Variants in ADAMTS3 observed in about 807,000 individuals in gnomAD.
ADAMTS3 encodes the protein A disintegrin and metalloproteinase with thrombospondin motifs 3.
A neutral mutation model predicts 129.0 loss-of-function variants in ADAMTS3; 73 were observed. That is an observed-to-expected ratio of 0.57 (90% CI 0.47 to 0.69). ADAMTS3 has a LOEUF of 0.69. Among genes scored for constraint, ADAMTS3 ranks in the 30% least tolerant of loss-of-function variants. The pLI is 0.00. For synonymous variants in ADAMTS3, 477 were observed against 510.8 expected (o/e 0.93, Z 0.89); for missense variants, 1,457 against 1,514.5 (o/e 0.96, Z 0.63).
chr4:72,468,242 A>C (rs570894433), intron 3 of ADAMTS3, among the ~76,000 whole-genome samples: 1 of 152,250 alleles, frequency 6.6e-6, no homozygotes, highest in South Asian at 2.1e-4. Context: ...TAGTGTAAGA[A>C]TCTAATTGGC....
Position 72,568,829 on chromosome 4 carries a change from C to T in ADAMTS3, c.-67G>A. ...GCCCAGAGCAAACCCACCCCCCCCG[C>T]CCAAAATAAGTTTCTTTAAGAAAAA... On this transcript the variant is annotated 5_prime_UTR_variant, in exon 1 of 22. Transcript: ENST00000286657. The T allele has an allele frequency of 1.7e-6, 2 of 1,203,800 alleles. No homozygotes were observed. Among genetic ancestry groups the T allele is most frequent in the Non-Finnish European group, 2.4e-6 (2 of 850,588 alleles). 74.6% of individuals were successfully genotyped at this position (1,203,800 alleles called of 1,614,324 possible). A position where few individuals can be genotyped will look rare whatever the true frequency, so the allele number is the denominator to read the frequency against.
In ADAMTS3 at chr4:72,514,526, T is replaced by G. The variant is rs551984688; in HGVS notation, c.504+33952A>C. On this transcript the variant is annotated intron_variant, in intron 3 of 21. Coordinates refer to ENST00000286657, the MANE Select transcript of ADAMTS3 (RefSeq NM_014243.3). Reference sequence around the variant, plus strand: ...GGAAAACTCTCTCGCAGAAGTTTTGTTAGATTTTTATCCAGCTAGGCTTCT... The same window carrying G: ...GGAAAACTCTCTCGCAGAAGTTTTGGTAGATTTTTATCCAGCTAGGCTTCT... Among the ~76,000 whole-genome samples the G allele has an allele frequency of 5.9e-5, 9 of 152,256 alleles. No individual in the cohort carries two copies. In the South Asian group the frequency reaches 1.9e-3, roughly 32 times the overall value.
At chr4:72,373,480 A>C (rs2109869791) in intron 4 of ADAMTS3, among the ~76,000 whole-genome samples, 1 of 152,374 alleles carries the variant, frequency 6.6e-6, no homozygotes, top group East Asian at 1.9e-4. Flanking sequence ...ACCTACACAC[A>C]GGAATAAATT....
At chr4:72,343,651 T>C (rs1720197267) in intron 4 of ADAMTS3, among the ~76,000 whole-genome samples, 1 of 152,028 alleles carries the variant, frequency 6.6e-6, no homozygotes, top group Non-Finnish European at 1.5e-5. Flanking sequence ...GCTAGCTGAG[T>C]TGGGCAGCAG....
chr4:72,541,045 T>C (rs1413189853), intron 3 of ADAMTS3, among the ~76,000 whole-genome samples: 1 of 152,128 alleles, frequency 6.6e-6, no homozygotes, highest in Non-Finnish European at 1.5e-5. Context: ...ACCAACAGCT[T>C]GCACCACATG....
At chr4:72,295,621 C>A in intron 19 of ADAMTS3, 33 bp downstream of exon 19, 1 of 1,580,370 alleles carries the variant, frequency 6.3e-7, no homozygotes. Flanking sequence ...CTGATTTTGA[C>A]CTCCAGATAT....
At chr4:72,391,989 C>A (rs1407301220) in intron 4 of ADAMTS3, among the ~76,000 whole-genome samples, 1 of 152,212 alleles carries the variant, frequency 6.6e-6, no homozygotes, top group Non-Finnish European at 1.5e-5. Flanking sequence ...TGTACTTTTA[C>A]TCTTTCTCTT....
intron 3 of ADAMTS3, among the ~76,000 whole-genome samples, chr4:72,473,424 T>C (rs1719135105): frequency 6.7e-6 from 1 of 150,326 alleles, no homozygotes; most frequent in South Asian, 2.1e-4. Flanking sequence ...ACAAACAAAA[T>C]AACAACAGCA....
At chr4:72,338,619 A>G (rs1409575153) in intron 5 of ADAMTS3, among the ~76,000 whole-genome samples, 1 of 152,078 alleles carries the variant, frequency 6.6e-6, no homozygotes, top group South Asian at 2.1e-4. Flanking sequence ...TAGATATCCA[A>G]GAAATTATAT....
intron 11 of ADAMTS3, among the ~76,000 whole-genome samples, chr4:72,315,245 C>A (rs1719360762): frequency 6.6e-6 from 1 of 152,106 alleles, no homozygotes; most frequent in Admixed American, 6.5e-5. Flanking sequence ...GAATGGTAGT[C>A]CCAAAGATAT....
intron 3 of ADAMTS3, among the ~76,000 whole-genome samples, chr4:72,466,268 T>C (rs1718915472): frequency 6.6e-6 from 1 of 151,970 alleles, no homozygotes; most frequent in Non-Finnish European, 1.5e-5. Context: ...CAGGAGGATG[T>C]AGAAGAAGAG....
intron 3 of ADAMTS3, among the ~76,000 whole-genome samples, chr4:72,448,798 A>C (rs1718320292): frequency 6.6e-6 from 1 of 151,756 alleles, no homozygotes; most frequent in Non-Finnish European, 1.5e-5. Flanking sequence ...AAAAAGAAAA[A>C]AAAGTATTAT....
chr4:72,459,132 T>C (rs144790846), intron 3 of ADAMTS3, among the ~76,000 whole-genome samples: 2 of 151,580 alleles, frequency 1.3e-5, no homozygotes, highest in Admixed American at 6.6e-5. Flanking sequence ...CATAATCAAG[T>C]TTATTTTGAT....
intron 4 of ADAMTS3, among the ~76,000 whole-genome samples, chr4:72,393,553 C>T (rs368391598): frequency 5.3e-5 from 8 of 152,280 alleles, no homozygotes; most frequent in East Asian, 3.9e-4. Flanking sequence ...AGTATCTGTG[C>T]TATCACTGTC....
At chr4:72,416,937 A>T (rs1175374061) in intron 3 of ADAMTS3, among the ~76,000 whole-genome samples, 1 of 152,236 alleles carries the variant, frequency 6.6e-6, no homozygotes, top group African/African-American at 2.4e-5. Flanking sequence ...ATAAAATGTT[A>T]TCTCATCCCT....
At chr4:72,564,420 A>G (rs1721975580) in intron 2 of ADAMTS3, among the ~76,000 whole-genome samples, 1 of 152,206 alleles carries the variant, frequency 6.6e-6, no homozygotes, top group Admixed American at 6.6e-5. Context: ...ACTCTGAGTC[A>G]GAAATGACAG....
chr4:72,440,235 A>G (rs1718072348), intron 3 of ADAMTS3, among the ~76,000 whole-genome samples: 1 of 151,816 alleles, frequency 6.6e-6, no homozygotes, highest in Admixed American at 6.6e-5. Flanking sequence ...AGTAGACATG[A>G]AGGTCTAAAT....
In ADAMTS3 at chr4:72,535,463, A is replaced by G. The variant is rs1042993520; in HGVS notation, c.504+13015T>C. Among the ~76,000 whole-genome samples the G allele has an allele frequency of 1.4e-4, 21 of 152,170 alleles. 1 individual carries two copies. The highest frequency in any genetic ancestry group is 5.1e-4 in the African/African-American group (21 of 41,436). On this transcript the variant is annotated intron_variant, in intron 3 of 21. Coordinates refer to ENST00000286657, the MANE Select transcript of ADAMTS3 (RefSeq NM_014243.3). ...AGCATCTAACAGTACAGTCCTCTCA[A>G]TCTATAAATATCTTCTACTTTTAGA...
chr4:72,495,606 A>T (rs2110018679), intron 3 of ADAMTS3, among the ~76,000 whole-genome samples: 1 of 152,308 alleles, frequency 6.6e-6, no homozygotes, highest in East Asian at 1.9e-4. Context: ...TAAGGCTACA[A>T]AGTTTAACTC....
Sources: allele counts gnomAD v4.1 joint callset (sites outside exome capture counted in the v4.1 genomes callset), GRCh38; gene constraint gnomAD v4.1.1; transcripts MANE v1.5; gene names NCBI Gene and HGNC (gene_info 2026-07-23, HGNC 2026-07-21).